The following PXDNL variants were observed in gnomAD, a reference collection of about 807,000 sequenced individuals.
PXDNL encodes the protein probable oxidoreductase PXDNL.
PXDNL carries 145 observed loss-of-function variants against 150.8 expected under a neutral mutation model. That is an observed-to-expected ratio of 0.96 (90% CI 0.84 to 1.10). PXDNL has a LOEUF of 1.10. PXDNL is among the 50% of genes least tolerant of loss of function. The pLI is 0.00. For synonymous variants in PXDNL, 757 were observed against 725.7 expected (o/e 1.04, Z -0.69); for missense variants, 2,087 against 1,873.9 (o/e 1.11, Z -2.10).
intron 21 of PXDNL, among the ~76,000 whole-genome samples, chr8:51,327,350 C>G (rs898804005): frequency 6.6e-6 from 1 of 152,216 alleles, no homozygotes; most frequent in Non-Finnish European, 1.5e-5. Context: ...ACCAAGTTAT[C>G]TTCTTCAGTG....
At chr8:51,732,561 C>A (rs10448019) in intron 1 of PXDNL, among the ~76,000 whole-genome samples, 6 of 152,022 alleles carry the variant, frequency 3.9e-5, no homozygotes, top group East Asian at 1.9e-4. Context: ...ACAACAGCGC[C>A]CCACTCTACC....
intron 4 of PXDNL, among the ~76,000 whole-genome samples, chr8:51,551,956 A>G (rs1812497039): frequency 6.6e-6 from 1 of 152,208 alleles, no homozygotes; most frequent in Non-Finnish European, 1.5e-5. Flanking sequence ...AGAATCTATA[A>G]GGGAACTAAA....
At chr8:51,474,845 C>G (rs370205624) in intron 7 of PXDNL, 127 bp downstream of exon 7, 7 of 762,920 alleles carry the variant, frequency 9.2e-6, no homozygotes, top group African/African-American at 5.3e-5. Flanking sequence ...CATACTTTTA[C>G]CACATTCCTT....
intron 3 of PXDNL, among the ~76,000 whole-genome samples, chr8:51,582,997 A>T (rs933858053): frequency 6.6e-6 from 1 of 152,224 alleles, no homozygotes. Context: ...AGGAAATACC[A>T]TCTAGCACTA....
At chr8:51,638,937 A>C (rs369419904) in intron 2 of PXDNL, among the ~76,000 whole-genome samples, 10 of 152,138 alleles carry the variant, frequency 6.6e-5, no homozygotes, top group South Asian at 4.1e-4. Flanking sequence ...CCAAAATTGA[A>C]CACATAGTTG....
intron 1 of PXDNL, among the ~76,000 whole-genome samples, chr8:51,663,250 G>A (rs1287658001): frequency 6.6e-6 from 1 of 152,178 alleles, no homozygotes; most frequent in Admixed American, 6.5e-5. Flanking sequence ...GTGTTGTGAG[G>A]AAGCTGAGAC....
chr8:51,365,702 T>G (rs891629762), intron 19 of PXDNL, among the ~76,000 whole-genome samples: 1 of 152,066 alleles, frequency 6.6e-6, no homozygotes, highest in African/African-American at 2.4e-5. Flanking sequence ...AGCCTGTGAG[T>G]GATATGCTGA....
chr8:51,600,404 A>G (rs182678043), intron 2 of PXDNL, among the ~76,000 whole-genome samples: 456 of 123,688 alleles, frequency 3.7e-3, no homozygotes, highest in Middle Eastern at 0.025. Context: ...ATTATATCTT[A>G]TATAAATTAT....
In PXDNL at chr8:51,407,144, A is replaced by G. The variant is rs542852718; in HGVS notation, c.3557+923T>C. ...TTTAAACCAGGTCTTCGTGAATCCA[A>G]ATCAATGTCCTTTCCAAAAGAAATG... On this transcript the variant is annotated intron_variant, in intron 17 of 22. Transcript: ENST00000356297. Among the ~76,000 whole-genome samples the G allele has an allele frequency of 3.9e-5, 6 of 152,294 alleles. No homozygotes were observed. The South Asian group carries it at 1.2e-3, about 32-fold the overall frequency.
intron 1 of PXDNL, among the ~76,000 whole-genome samples, chr8:51,712,003 A>T (rs930116240): frequency 6.6e-6 from 1 of 152,236 alleles, no homozygotes; most frequent in Non-Finnish European, 1.5e-5. Flanking sequence ...ATGGGAATTC[A>T]GTCTCAAATC....
At chr8:51,324,194 C>T (rs1438164560) in intron 21 of PXDNL, among the ~76,000 whole-genome samples, 1 of 152,088 alleles carries the variant, frequency 6.6e-6, no homozygotes, top group African/African-American at 2.4e-5. Context: ...TTGTAGATTC[C>T]TTGAGATTTT....
Position 51,320,818 on chromosome 8 carries a change from C to T in PXDNL, c.4226G>A (p.Trp1409Ter), listed in dbSNP as rs1375704994. ...GCAGTGAGTGCAGTCTTCTTTCATCCAGCGCTCCTCGGCCTTCCTTGGAAC... is the reference window on the plus strand; with the variant it reads ...GCAGTGAGTGCAGTCTTCTTTCATCTAGCGCTCCTCGGCCTTCCTTGGAAC... The part of the protein sequence containing the change: ...RGVPRKAEER[W>*]MKEDCTHCIC... The change falls in exon 22 of 23, where the codon TGG (tryptophan) becomes TAG (stop). Residue 1409 changes from tryptophan to a stop codon, truncating the protein, a stop_gained. Transcript: ENST00000356297. LOFTEE classifies it low-confidence loss of function (END_TRUNC). The T allele has an allele frequency of 3.7e-6, 6 of 1,613,934 alleles. No homozygotes were observed. The highest frequency in any genetic ancestry group is 4.5e-5 in the East Asian group (2 of 44,886).
intron 1 of PXDNL, among the ~76,000 whole-genome samples, chr8:51,738,304 C>T (rs1210968800): frequency 6.6e-6 from 1 of 152,186 alleles, no homozygotes; most frequent in Non-Finnish European, 1.5e-5. Context: ...TCTCCAGGCT[C>T]AGCTCACCTT....
intron 2 of PXDNL, among the ~76,000 whole-genome samples, chr8:51,595,758 C>A (rs943514187): frequency 1.3e-5 from 2 of 152,012 alleles, no homozygotes; most frequent in Non-Finnish European, 2.9e-5. Context: ...CCTTGATAAT[C>A]TGTCACAGCC....
intron 14 of PXDNL, among the ~76,000 whole-genome samples, chr8:51,418,405 A>G (rs1185907376): frequency 6.6e-6 from 1 of 152,220 alleles, no homozygotes; most frequent in African/African-American, 2.4e-5. Context: ...TCACTTCATT[A>G]ATGTTTGAAT....
chr8:51,401,580 G>C (rs1808249117), intron 17 of PXDNL, among the ~76,000 whole-genome samples: 1 of 152,132 alleles, frequency 6.6e-6, no homozygotes, highest in African/African-American at 2.4e-5. Context: ...CACAAATCTG[G>C]GGGCTGCTTT....
rs1300674455 is a variant in PXDNL at position 51,809,357 on chromosome 8, T to C, written c.-13A>G. The C allele has an allele frequency of 1.3e-6, 2 of 1,518,968 alleles. No homozygotes were observed. Among genetic ancestry groups the C allele is most frequent in the Admixed American group, 4.6e-5 (2 of 43,222 alleles). The allele number at this position is 1,518,968 out of a possible 1,614,324, so 94.1% of individuals were successfully genotyped here. A position where few individuals can be genotyped will look rare whatever the true frequency, so the allele number is the denominator to read the frequency against. Reference sequence around the variant, plus strand: ...GTCTGGGCTCCATCGCTCCATTCGCTGCTGGCCACGCGAAGAAGCAGCCGG... The same window carrying C: ...GTCTGGGCTCCATCGCTCCATTCGCCGCTGGCCACGCGAAGAAGCAGCCGG... On this transcript the variant is annotated 5_prime_UTR_variant, in exon 1 of 23. Transcript: ENST00000356297.
chr8:51,645,372 G>C (rs1264306934), intron 2 of PXDNL, among the ~76,000 whole-genome samples: 1 of 152,146 alleles, frequency 6.6e-6, no homozygotes, highest in Non-Finnish European at 1.5e-5. Flanking sequence ...TGGGCATCCT[G>C]CGCCCTGATT....
chr8:51,362,283 C>T (rs937827404), intron 19 of PXDNL, among the ~76,000 whole-genome samples: 6 of 152,154 alleles, frequency 3.9e-5, no homozygotes, highest in African/African-American at 9.7e-5. Context: ...AAAATGCTTT[C>T]TTTGCTCTAT....
Sources: gnomAD v4.1 joint callset for allele counts (sites outside exome capture counted in the v4.1 genomes callset) on GRCh38, gnomAD v4.1.1 for gene constraint, MANE v1.5 for transcripts, NCBI Gene and HGNC (gene_info 2026-07-23, HGNC 2026-07-21) for gene names.